LCORL: variants seen among roughly 807,000 people sequenced by gnomAD.
LCORL encodes ligand dependent nuclear receptor corepressor like.
LCORL carries 41 observed loss-of-function variants against 141.8 expected under a neutral mutation model. That is an observed-to-expected ratio of 0.29 (90% confidence interval 0.23 to 0.38). The LOEUF is 0.38. LCORL is among the 10% of genes least tolerant of loss of function. The pLI is 1.00. For missense variants in LCORL, 1,759 were observed against 2,035.0 expected (o/e 0.86, Z 2.61); for synonymous variants, 618 against 694.1 (o/e 0.89, Z 1.72).
chr4:18,020,199 T>TA (rs1253239423), intron 1 of LCORL, among the ~76,000 whole-genome samples: 1 of 152,202 alleles, frequency 6.6e-6, no homozygotes, highest in Non-Finnish European at 1.5e-5. Flanking sequence ...TTTAACCTAA[T>TA]ACGATCTCTT....
At chr4:17,852,961 G>A (rs1222970332) in intron 7 of LCORL, among the ~76,000 whole-genome samples, 1 of 151,716 alleles carries the variant, frequency 6.6e-6, no homozygotes, top group South Asian at 2.1e-4. Context: ...GACTCTTACA[G>A]GAATCAAATT....
At chr4:17,904,983 C>T (rs1409170774) in intron 5 of LCORL, among the ~76,000 whole-genome samples, 4 of 152,110 alleles carry the variant, frequency 2.6e-5, no homozygotes, top group Non-Finnish European at 5.9e-5. Context: ...ATTCATTTTG[C>T]TGGTCTTCTT....
intron 1 of LCORL, among the ~76,000 whole-genome samples, chr4:17,979,246 C>T (rs1487354946): frequency 6.6e-6 from 1 of 152,188 alleles, no homozygotes; most frequent in Non-Finnish European, 1.5e-5. Flanking sequence ...GGCAAAAAAG[C>T]TGGCATGATC....
At chr4:17,909,862 T>A (rs115338525) in intron 4 of LCORL, among the ~76,000 whole-genome samples, 11,247 of 152,158 alleles carry the variant, frequency 0.074, 945 homozygotes, top group African/African-American at 0.21. Flanking sequence ...TCTTTTGATT[T>A]TTTATATAGA....
intron 2 of LCORL, among the ~76,000 whole-genome samples, chr4:17,967,062 A>G (rs1298656111): frequency 6.6e-6 from 1 of 152,210 alleles, no homozygotes; most frequent in Non-Finnish European, 1.5e-5. Context: ...CTGTGGGTAC[A>G]TCTATACAAC....
intron 1 of LCORL, among the ~76,000 whole-genome samples, chr4:18,007,719 T>C (rs1723043911): frequency 6.6e-6 from 1 of 152,132 alleles, no homozygotes; most frequent in Non-Finnish European, 1.5e-5. Flanking sequence ...TTATATAAAA[T>C]AAAGGCAGCA....
At chr4:17,963,940 T>C (rs1714356324) in intron 2 of LCORL, among the ~76,000 whole-genome samples, 1 of 152,074 alleles carries the variant, frequency 6.6e-6, no homozygotes, top group Non-Finnish European at 1.5e-5. Flanking sequence ...TTTTCATACT[T>C]TTGAAATACA....
At chr4:17,936,363 A>AAG (rs1736854869) in intron 4 of LCORL, among the ~76,000 whole-genome samples, 2 of 149,898 alleles carry the variant, frequency 1.3e-5, no homozygotes, top group Admixed American at 1.3e-4. Context: ...TCATAATGAA[A>AAG]AAAAAAAAAA....
Position 17,974,721 on chromosome 4 carries a change from T to C in LCORL, c.155-1836A>G, listed in dbSNP as rs192999637. ...GTGTATTATAATATTTATTAATTAT[T>C]AGTCAGACTTGGAGCTCTCTTTGTG... On this transcript the variant is annotated intron_variant, in intron 1 of 7. Coordinates refer to ENST00000635767, the Ensembl canonical transcript of LCORL. Among the ~76,000 whole-genome samples the C allele has an allele frequency of 3.3e-4, 50 of 152,272 alleles. No homozygotes were observed. In the East Asian group the frequency reaches 8.3e-3, roughly 25 times the overall value.
chr4:17,982,077 T>TC (rs1718081837), intron 1 of LCORL, among the ~76,000 whole-genome samples: 1 of 151,168 alleles, frequency 6.6e-6, no homozygotes, highest in Admixed American at 6.6e-5. Context: ...TTGTTCTTTT[T>TC]CATGGCTGCA....
At chr4:17,978,528 T>TG (rs1187029889) in intron 1 of LCORL, among the ~76,000 whole-genome samples, 6 of 150,064 alleles carry the variant, frequency 4.0e-5, no homozygotes, top group South Asian at 2.1e-4. Context: ...AGCCAGAAAT[T>TG]GGAGTCTGAA....
chr4:17,942,971 A>C (rs1271244195), intron 4 of LCORL, among the ~76,000 whole-genome samples: 1 of 152,036 alleles, frequency 6.6e-6, no homozygotes, highest in Non-Finnish European at 1.5e-5. Flanking sequence ...TAGGTTGCAT[A>C]CTCCTTATGA....
intron 7 of LCORL, among the ~76,000 whole-genome samples, chr4:17,852,476 A>G (rs1723867072): frequency 6.6e-6 from 1 of 152,112 alleles, no homozygotes; most frequent in Non-Finnish European, 1.5e-5. Flanking sequence ...TGCTTTAAAA[A>G]CCATATGGAG....
intron 1 of LCORL, among the ~76,000 whole-genome samples, chr4:17,977,952 T>C (rs192462060): frequency 6.6e-6 from 1 of 152,328 alleles, no homozygotes; most frequent in Admixed American, 6.5e-5. Flanking sequence ...CTTTTTTTTG[T>C]TTCTGTATTG....
chr4:17,966,435 A>T (rs548750211), intron 2 of LCORL, among the ~76,000 whole-genome samples: 1 of 152,268 alleles, frequency 6.6e-6, no homozygotes, highest in East Asian at 1.9e-4. Context: ...CAGAAGACAC[A>T]AACTACCAAA....
At chr4:17,846,613 T>A (rs972645931) in intron 7 of LCORL, among the ~76,000 whole-genome samples, 17 of 152,318 alleles carry the variant, frequency 1.1e-4, no homozygotes, top group African/African-American at 4.1e-4. Context: ...TTTACATTGA[T>A]GGGAAAGTTG....
At chr4:17,993,431 C>T (rs1434572970) in intron 1 of LCORL, among the ~76,000 whole-genome samples, 1 of 151,982 alleles carries the variant, frequency 6.6e-6, no homozygotes, top group Non-Finnish European at 1.5e-5. Flanking sequence ...TCTTGAACTC[C>T]TGACCTCAAG....
At chr4:17,904,442 G>T (rs906357869) in intron 5 of LCORL, among the ~76,000 whole-genome samples, 2 of 151,996 alleles carry the variant, frequency 1.3e-5, no homozygotes, top group Non-Finnish European at 2.9e-5. Flanking sequence ...CAAAATTGTT[G>T]TATGGACTGT....
chr4:17,972,307 AAT>A (rs561333936), intron 2 of LCORL, among the ~76,000 whole-genome samples: 155 of 151,954 alleles, frequency 1.0e-3, no homozygotes, highest in African/African-American at 3.5e-3. Context: ...AAAAGGAGTC[AAT>A]ATATTAGTTC....
Sources: allele counts gnomAD v4.1 joint callset (sites outside exome capture counted in the v4.1 genomes callset), GRCh38; gene constraint gnomAD v4.1.1; transcripts MANE v1.5; gene names NCBI Gene and HGNC (gene_info 2026-07-23, HGNC 2026-07-21).